The following CD59 variants were observed in gnomAD, a reference collection of about 807,000 sequenced individuals.
The protein encoded by CD59 is CD59 molecule (CD59 blood group), also known as CD59 glycoprotein.
CD59 carries 3 observed loss-of-function variants against 7.0 expected under a neutral mutation model. That is an observed-to-expected ratio of 0.43 (90% CI 0.19 to 1.10). The LOEUF (loss-of-function observed/expected upper bound fraction) is 1.10, where lower values mean the gene tolerates loss of function less well. CD59 is among the 50% of genes least tolerant of loss of function. The pLI is 0.29. For synonymous variants in CD59, 60 were observed against 62.0 expected (o/e 0.97, Z 0.15); for missense variants, 143 against 151.0 (o/e 0.95, Z 0.28).
chr11:33,712,226 A>T (rs1360812456), intron 3 of CD59, among the ~76,000 whole-genome samples: 1 of 152,184 alleles, frequency 6.6e-6, no homozygotes, highest in Non-Finnish European at 1.5e-5. Flanking sequence ...TCATTTTTGG[A>T]AAAATAGCCT....
chr11:33,728,079 A>G (rs1854309509), intron 1 of CD59, among the ~76,000 whole-genome samples: 1 of 152,236 alleles, frequency 6.6e-6, no homozygotes, highest in Non-Finnish European at 1.5e-5. Flanking sequence ...CAATATCATG[A>G]AAATGGCCAC....
chr11:33,717,525 G>T, intron 2 of CD59, 54 bp from the exon 3 acceptor site: 1 of 1,138,404 alleles, frequency 8.8e-7, no homozygotes, highest in Non-Finnish European at 1.3e-6. Context: ...CTTGTCCCCT[G>T]GCAGCCCACC....
At chr11:33,724,803 A>G (rs567711825) in intron 1 of CD59, among the ~76,000 whole-genome samples, 148 of 152,300 alleles carry the variant, frequency 9.7e-4, no homozygotes, top group African/African-American at 3.4e-3. Flanking sequence ...GGTTGTTGCT[A>G]TAGCTGATCC....
chr11:33,716,691 T>C (rs1853807228), intron 3 of CD59, among the ~76,000 whole-genome samples: 1 of 152,182 alleles, frequency 6.6e-6, no homozygotes, highest in Non-Finnish European at 1.5e-5. Context: ...ATTTGGAAAA[T>C]GCAGACTGGA....
chr11:33,736,426 G>C (rs1284900268), upstream of CD59: 5 of 152,694 alleles, frequency 3.3e-5, no homozygotes, highest in East Asian at 9.6e-4. This position sits in a 1 kb window ranked among gnomAD's most constrained non-coding sequence, Gnocchi z 4.4. Flanking sequence ...CCGCTTCTGC[G>C]CTCAGCCCCC....
chr11:33,732,620 A>C (rs1269940547), intron 1 of CD59, among the ~76,000 whole-genome samples: 1 of 152,242 alleles, frequency 6.6e-6, no homozygotes, highest in Non-Finnish European at 1.5e-5. Context: ...GTGAGCAAAT[A>C]TCAAGGGCCA....
intron 3 of CD59, chr11:33,711,472 C>A (rs1008396080): frequency 2.9e-6 from 2 of 693,902 alleles, no homozygotes; most frequent in Non-Finnish European, 2.6e-6. Flanking sequence ...GGATTGCCTG[C>A]GGCCAGCCTG....
intron 3 of CD59, among the ~76,000 whole-genome samples, chr11:33,714,288 T>A (rs1383384403): frequency 6.6e-6 from 1 of 152,238 alleles, no homozygotes; most frequent in African/African-American, 2.4e-5. Context: ...TACAGCAAGT[T>A]ACTATACTGA....
rs754137977 is a variant in CD59 at position 33,722,461 on chromosome 11, A to C, written c.-16T>G. ...GGATTCCCATTGTGATTGTCCACAG[A>C]ACCTGGAAGGAAGGGACAGGAAGGA... On this transcript the variant is annotated splice_region_variant and 5_prime_UTR_variant, in exon 2 of 4. Transcript: ENST00000642928. 2 of 1,613,872 alleles carry C rather than the reference A, an allele frequency of 1.2e-6. No homozygotes were observed. Among genetic ancestry groups the C allele is most frequent in the Non-Finnish European group, 1.7e-6 (2 of 1,179,838 alleles).
chr11:33,719,632 A>T (rs916579232), intron 2 of CD59: 3 of 152,328 alleles, frequency 2.0e-5, no homozygotes, highest in East Asian at 1.9e-4. Flanking sequence ...AAAAATAAAT[A>T]AAATAAAATA....
chr11:33,733,683 C>A (rs573465454), intron 1 of CD59: 14 of 152,108 alleles, frequency 9.2e-5, no homozygotes, highest in Non-Finnish European at 1.6e-4. Flanking sequence ...GGTAGAACAG[C>A]ATTTAAACCC....
chr11:33,703,660 G>A lies in CD59; in HGVS notation c.*6466C>T, dbSNP rs1287509998. 1.3e-5 allele frequency: 2 copies of A among 152,214 alleles called. No individual in the cohort carries two copies. Among genetic ancestry groups the A allele is most frequent in the Non-Finnish European group, 2.9e-5 (2 of 68,042 alleles). The allele number at this position is 152,214 out of a possible 1,614,324, so 9.4% of individuals were successfully genotyped here. The stretch of plus-strand genomic sequence containing the variant: ...TTAAGCTTACCCAGCGTGAGGCCAG[G>A]TTAGAAAGTCACAGGCCTTGGCAGC... On this transcript the variant is annotated 3_prime_UTR_variant, in exon 4 of 4. Transcript: ENST00000642928.
intron 3 of CD59, among the ~76,000 whole-genome samples, chr11:33,717,029 A>G (rs1255914734): frequency 6.6e-6 from 1 of 152,182 alleles, no homozygotes; most frequent in East Asian, 1.9e-4. Context: ...AGGTTCTCCA[A>G]GGTCTGGGAG....
At chr11:33,721,339 G>A (rs1395687545) in intron 2 of CD59, among the ~76,000 whole-genome samples, 5 of 152,270 alleles carry the variant, frequency 3.3e-5, no homozygotes, top group South Asian at 2.1e-4. Flanking sequence ...CCGACCTCCC[G>A]GAATGGCTGG....
chr11:33,722,415 C>G lies in CD59; in HGVS notation c.31G>C (p.Gly11Arg). MGIQGGSVLFGLLLVLAVFCH... is the reference protein window; with the variant it reads MGIQGGSVLFRLLLVLAVFCH... Reference sequence around the variant, plus strand: ...AAGACAGCCAGGACGAGCAGCAGCCCGAACAGGACAGACCCTCCTTGGATT... The same window carrying G: ...AAGACAGCCAGGACGAGCAGCAGCCGGAACAGGACAGACCCTCCTTGGATT... The change falls in exon 2 of 4, where the codon GGG (glycine) becomes CGG (arginine). Residue 11 changes from glycine to arginine, a missense_variant. Coordinates refer to ENST00000642928, the MANE Select transcript of CD59 (RefSeq NM_000611.6). 1 of 1,614,052 alleles carries G rather than the reference C, an allele frequency of 6.2e-7. No homozygotes were observed.
At chr11:33,711,892 C>T (rs1257576112) in intron 3 of CD59, among the ~76,000 whole-genome samples, 1 of 152,094 alleles carries the variant, frequency 6.6e-6, no homozygotes, top group Non-Finnish European at 1.5e-5. Flanking sequence ...AAATTGGAAC[C>T]CTCAAACATT....
chr11:33,717,332 C>T (rs986760650), intron 3 of CD59, 38 bp downstream of exon 3: 1 of 1,340,264 alleles, frequency 7.5e-7, no homozygotes, highest in East Asian at 2.3e-5. Flanking sequence ...CACTTATTAC[C>T]CCATTACATT....
rs949799297 is a variant in CD59, at chr11:33,709,937, C to A, written c.*189G>T. The A allele has an allele frequency of 1.6e-5, 10 of 640,518 alleles. No individual in the cohort carries two copies. The highest frequency in any genetic ancestry group is 2.5e-5 in the Non-Finnish European group (9 of 360,486). The allele number at this position is 640,518 out of a possible 1,614,324, so 39.7% of individuals were successfully genotyped here. A position where few individuals can be genotyped will look rare whatever the true frequency, so the allele number is the denominator to read the frequency against. ...CTTAGACTTCTTCCTTCAAGTGGGG[C>A]TTCCCTGCAAACAGGACTGGTCTTC... On this transcript the variant is annotated 3_prime_UTR_variant, in exon 4 of 4. Transcript: ENST00000642928.
chr11:33,724,084 G>A (rs1278400893), intron 1 of CD59, among the ~76,000 whole-genome samples: 1 of 152,178 alleles, frequency 6.6e-6, no homozygotes, highest in Non-Finnish European at 1.5e-5. Flanking sequence ...ACTCCAGCCT[G>A]GGTGACACAG....
Sources: gnomAD v4.1 joint callset for allele counts (sites outside exome capture counted in the v4.1 genomes callset) on GRCh38, gnomAD v4.1.1 for gene constraint, Gnocchi (gnomAD v3.1) non-coding constraint, MANE v1.5 for transcripts, NCBI Gene and HGNC (gene_info 2026-07-23, HGNC 2026-07-21) for gene names.